Variants in DTNA observed in about 807,000 individuals in gnomAD.
The protein encoded by DTNA is dystrophin-related protein 3.
A neutral mutation model predicts 100.7 loss-of-function variants in DTNA; 43 were observed. The observed-to-expected ratio is 0.43, with a 90% CI of 0.33 to 0.55. The LOEUF is 0.55. Ranked by LOEUF, DTNA falls within the 20% of genes least tolerant of loss-of-function variation. The pLI, the probability that DTNA is intolerant of heterozygous loss-of-function variation, is 0.04. For synonymous variants in DTNA, 349 were observed against 347.9 expected, an observed-to-expected ratio of 1.00 and a Z score of -0.04; for missense variants, 798 against 953.9, an observed-to-expected ratio of 0.84 and a Z score of 2.15.
intron 22 of DTNA, among the ~76,000 whole-genome samples, chr18:34,887,436 T>C (rs2096931969): frequency 6.6e-6 from 1 of 152,198 alleles, no homozygotes; most frequent in Admixed American, 6.5e-5. Context: ...GGCAGCCTAA[T>C]CATGGGTCAC....
At chr18:34,619,946 A>T (rs2056128813) in intron 1 of DTNA, among the ~76,000 whole-genome samples, 1 of 152,214 alleles carries the variant, frequency 6.6e-6, no homozygotes, top group Admixed American at 6.5e-5. Flanking sequence ...TTGTATCATC[A>T]TGAGACACTG....
At chr18:34,663,688 T>C (rs2075514341) in intron 1 of DTNA, among the ~76,000 whole-genome samples, 1 of 152,132 alleles carries the variant, frequency 6.6e-6, no homozygotes, top group African/African-American at 2.4e-5. Context: ...TGAAATAAGC[T>C]TGTCACCAGA....
intron 1 of DTNA, among the ~76,000 whole-genome samples, chr18:34,746,269 T>C (rs1354910936): frequency 6.6e-6 from 1 of 152,096 alleles, no homozygotes; most frequent in African/African-American, 2.4e-5. Context: ...ATTTAATATG[T>C]AGGAAAAAGA....
At chr18:34,611,732 T>C (rs1257344065) in intron 1 of DTNA, among the ~76,000 whole-genome samples, 1 of 152,160 alleles carries the variant, frequency 6.6e-6, no homozygotes, top group Non-Finnish European at 1.5e-5. Flanking sequence ...GTTCTCCCCT[T>C]AGCTGTGTGT....
chr18:34,581,908 C>T (rs971004595), intron 1 of DTNA, among the ~76,000 whole-genome samples: 3 of 152,176 alleles, frequency 2.0e-5, no homozygotes, highest in Non-Finnish European at 4.4e-5. Context: ...AGGCATGAGC[C>T]ACCATGCCCG....
Position 34,544,596 on chromosome 18 carries a change from C to T in DTNA, c.-2+51082C>T, listed in dbSNP as rs567851265. ...GACATAACAATTTTAAATTAGAGTA[C>T]ATATATTTATAATTACATCTGCATT... On this transcript the variant is annotated intron_variant, in intron 1 of 19. Coordinates refer to the DTNA transcript ENST00000283365. 3.9e-5 allele frequency among the ~76,000 whole-genome samples: 6 copies of T among 152,158 alleles called. No individual in the cohort carries two copies. In the South Asian group the frequency reaches 1.2e-3, roughly 32 times the overall value.
At chr18:34,647,206 G>A (rs2059948454) in intron 1 of DTNA, among the ~76,000 whole-genome samples, 1 of 152,006 alleles carries the variant, frequency 6.6e-6, no homozygotes, top group Admixed American at 6.6e-5. Flanking sequence ...TACATTATTA[G>A]AAAAGCCACA....
At chr18:34,739,622 G>C (rs1242578812) in intron 1 of DTNA, among the ~76,000 whole-genome samples, 2 of 152,122 alleles carry the variant, frequency 1.3e-5, no homozygotes, top group African/African-American at 4.8e-5. Flanking sequence ...TTCATTTCAT[G>C]ATAGGCATTC....
intron 1 of DTNA, among the ~76,000 whole-genome samples, chr18:34,584,040 C>T (rs1009270917): frequency 6.6e-6 from 1 of 152,158 alleles, no homozygotes; most frequent in South Asian, 2.1e-4. Context: ...ACTTTCCCTT[C>T]AAGCCTTCTT....
intron 1 of DTNA, among the ~76,000 whole-genome samples, chr18:34,721,864 G>A (rs2085403034): frequency 6.6e-6 from 1 of 152,102 alleles, no homozygotes; most frequent in South Asian, 2.1e-4. Flanking sequence ...GCCTATCGGA[G>A]ACATAAAAAA....
chr18:34,744,368 T>A (rs2091226327), intron 1 of DTNA, among the ~76,000 whole-genome samples: 1 of 152,152 alleles, frequency 6.6e-6, no homozygotes, highest in Non-Finnish European at 1.5e-5. Flanking sequence ...CATGCCACTG[T>A]TGGATTCACA....
intron 3 of DTNA, among the ~76,000 whole-genome samples, chr18:34,785,883 G>A (rs910908467): frequency 1.3e-5 from 2 of 152,048 alleles, no homozygotes; most frequent in East Asian, 3.9e-4. Context: ...AACACAATAA[G>A]GACTGAATAA....
Position 34,553,881 on chromosome 18 carries a change from G to A in DTNA, c.-2+60367G>A, listed in dbSNP as rs574420602. Among the ~76,000 whole-genome samples, 21 of 152,016 alleles carry A rather than the reference G, an allele frequency of 1.4e-4. 2 individuals carry two copies. The South Asian group carries it at 4.4e-3, about 32-fold the overall frequency. ...GCGGGCTCTTTTTTTGGTTCCATAT[G>A]AACTTTAAAGTAGTTTTTTCCAATT... is the stretch of plus-strand genomic sequence containing the variant. On this transcript the variant is annotated intron_variant, in intron 1 of 19. Transcript: ENST00000283365.
chr18:34,810,049 T>C (rs2095451868), intron 5 of DTNA, among the ~76,000 whole-genome samples: 2 of 152,192 alleles, frequency 1.3e-5, no homozygotes, highest in African/African-American at 4.8e-5. Context: ...TTGGAACATT[T>C]GTTTATACTT....
At chr18:34,669,033 G>A (rs1372921728) in intron 1 of DTNA, among the ~76,000 whole-genome samples, 1 of 152,146 alleles carries the variant, frequency 6.6e-6, no homozygotes, top group Non-Finnish European at 1.5e-5. Context: ...GGGTATGAAA[G>A]TCTCCCATTA....
chr18:34,868,408 A>G (rs991885915), intron 17 of DTNA: 21 of 937,734 alleles, frequency 2.2e-5, no homozygotes, highest in South Asian at 4.9e-5. Context: ...CTGCAAGGAA[A>G]TAAACAAATG....
chr18:34,880,128 T>C lies in DTNA; in HGVS notation c.2162+409T>C, dbSNP rs193062528. Among the ~76,000 whole-genome samples the C allele has an allele frequency of 6.6e-5, 10 of 152,324 alleles. No individual in the cohort carries two copies. The East Asian group carries it at 1.9e-3, about 29-fold the overall frequency. On this transcript the variant is annotated intron_variant, in intron 20 of 22. Coordinates refer to ENST00000444659, the MANE Select transcript of DTNA (RefSeq NM_001386795.1). ...CATTGGAGAGGTCTCTGTCCAGAATTGGTGTAAACAACATCACATAAGTAT... is the reference window on the plus strand; with the variant it reads ...CATTGGAGAGGTCTCTGTCCAGAATCGGTGTAAACAACATCACATAAGTAT...
At chr18:34,771,208 A>C (rs966296144) in intron 3 of DTNA, among the ~76,000 whole-genome samples, 2 of 152,282 alleles carry the variant, frequency 1.3e-5, no homozygotes, top group Admixed American at 1.3e-4. Flanking sequence ...GCTATAAAAG[A>C]CACTTGTAAG....
intron 1 of DTNA, among the ~76,000 whole-genome samples, chr18:34,668,072 G>A (rs954175923): frequency 1.3e-5 from 2 of 152,096 alleles, no homozygotes; most frequent in African/African-American, 4.8e-5. Context: ...TTTTTGGTTG[G>A]TAAGCTATTA....
Sources: allele counts gnomAD v4.1 joint callset (sites outside exome capture counted in the v4.1 genomes callset), GRCh38; gene constraint gnomAD v4.1.1; transcripts MANE v1.5; gene names NCBI Gene and HGNC (gene_info 2026-07-23, HGNC 2026-07-21).